FAM220A: variants seen among roughly 807,000 people sequenced by gnomAD.
FAM220A encodes protein FAM220A.
For missense variants in FAM220A, 392 were observed against 321.6 expected (o/e 1.22, Z -1.68); for synonymous variants, 141 against 130.7 (o/e 1.08, Z -0.54).
intron 1 of FAM220A, among the ~76,000 whole-genome samples, chr7:6,342,634 G>A (rs1293904617): frequency 6.6e-6 from 1 of 152,042 alleles, no homozygotes. Context: ...AAAAACCGAT[G>A]TCCACACAAA....
intron 1 of FAM220A, among the ~76,000 whole-genome samples, chr7:6,335,342 C>T (rs1328437358): frequency 1.3e-5 from 2 of 151,926 alleles, no homozygotes; most frequent in Non-Finnish European, 2.9e-5. Flanking sequence ...CCTGCCTCAA[C>T]CTCCTGAGTA....
intron 1 of FAM220A, among the ~76,000 whole-genome samples, chr7:6,333,168 C>CAAAAAAAAAAAAAA (rs111863837): frequency 1.6e-5 from 2 of 127,998 alleles, no homozygotes; most frequent in Non-Finnish European, 1.8e-5. Flanking sequence ...ATAAAAAAAT[C>CAAAAAAAAAAAAAA]AAAAAAAAAA....
Position 6,348,441 on chromosome 7 carries a change from CG to C in FAM220A, c.-82+131del, listed in dbSNP as rs139709331. Reference sequence around the variant, plus strand: ...TCAGTGGATCTCCCCAAAGTAGGGTCGCACGGGAAAATGCACGGTGCTTGAC... The same window carrying C: ...TCAGTGGATCTCCCCAAAGTAGGGTCCACGGGAAAATGCACGGTGCTTGAC... On this transcript the variant is annotated intron_variant, in intron 1 of 1. Coordinates refer to ENST00000313324, the MANE Select transcript of FAM220A (RefSeq NM_001037163.2). 3,623 of 397,214 alleles carry C rather than the reference CG, an allele frequency of 9.1e-3. 128 individuals carry two copies. The highest frequency in any genetic ancestry group is 0.066 in the African/African-American group (3,229 of 48,602). The allele number at this position is 397,214 out of a possible 1,614,324, so 24.6% of individuals were successfully genotyped here.
intron 1 of FAM220A, among the ~76,000 whole-genome samples, chr7:6,348,238 G>A (rs551048366): frequency 6.6e-6 from 1 of 150,960 alleles, no homozygotes; most frequent in African/African-American, 2.4e-5. Flanking sequence ...AATAAGGGGG[G>A]GGGTTGCAAA....
intron 1 of FAM220A, among the ~76,000 whole-genome samples, chr7:6,344,938 A>G (rs1781928638): frequency 6.6e-6 from 1 of 150,940 alleles, no homozygotes; most frequent in Admixed American, 6.6e-5. Context: ...ATGGGGTTTC[A>G]CCATGTTGGC....
At chr7:6,339,234 G>A (rs982253198) in intron 1 of FAM220A, among the ~76,000 whole-genome samples, 7 of 152,114 alleles carry the variant, frequency 4.6e-5, no homozygotes, top group African/African-American at 1.2e-4. Flanking sequence ...TTGGGAGGCC[G>A]AGGTGGGGAG....
intron 1 of FAM220A, among the ~76,000 whole-genome samples, chr7:6,333,530 A>G (rs1230614530): frequency 6.6e-6 from 1 of 152,050 alleles, no homozygotes; most frequent in African/African-American, 2.4e-5. Flanking sequence ...ACGAGGTCTC[A>G]CTCTGCCTCC....
At chr7:6,345,717 T>C (rs763340045) in intron 1 of FAM220A, among the ~76,000 whole-genome samples, 1 of 152,088 alleles carries the variant, frequency 6.6e-6, no homozygotes, top group East Asian at 1.9e-4. Flanking sequence ...TAGACACTTT[T>C]TGTTTTGCCC....
Position 6,330,262 on chromosome 7 carries a change from A to G in FAM220A, c.*113T>C. Reference sequence around the variant, plus strand: ...TTACTTTAAGTCTGCCAGGTCGTACAAAACTACAGCAGGAACCTAAGGGCT... The same window carrying G: ...TTACTTTAAGTCTGCCAGGTCGTACGAAACTACAGCAGGAACCTAAGGGCT... On this transcript the variant is annotated 3_prime_UTR_variant, in exon 2 of 2. Coordinates refer to ENST00000313324, the MANE Select transcript of FAM220A (RefSeq NM_001037163.2). 9.2e-7 allele frequency: 1 copy of G among 1,090,020 alleles called. No individual in the cohort carries two copies. The highest frequency in any genetic ancestry group is 1.3e-6 in the Non-Finnish European group (1 of 763,058). 67.5% of individuals were successfully genotyped at this position (1,090,020 alleles called of 1,614,324 possible). A position where few individuals can be genotyped will look rare whatever the true frequency, so the allele number is the denominator to read the frequency against.
chr7:6,330,292 A>G lies in FAM220A; in HGVS notation c.*83T>C. The G allele has an allele frequency of 7.6e-7, 1 of 1,316,348 alleles. No individual in the cohort carries two copies. Among genetic ancestry groups the G allele is most frequent in the East Asian group, 2.3e-5 (1 of 43,066 alleles). 81.5% of individuals were successfully genotyped at this position (1,316,348 alleles called of 1,614,324 possible). On this transcript the variant is annotated 3_prime_UTR_variant, in exon 2 of 2. Coordinates refer to ENST00000313324, the MANE Select transcript of FAM220A (RefSeq NM_001037163.2). ...TACAGCAGGAACCTAAGGGCTGCAC[A>G]GTTTGCATCCAGACTTAATGCGAAA...
At chr7:6,333,469 A>G (rs1434802337) in intron 1 of FAM220A, among the ~76,000 whole-genome samples, 1 of 152,180 alleles carries the variant, frequency 6.6e-6, no homozygotes, top group African/African-American at 2.4e-5. Flanking sequence ...GGCTGTGATC[A>G]TAAGGAGGGA....
intron 1 of FAM220A, among the ~76,000 whole-genome samples, chr7:6,336,603 G>A (rs1237697109): frequency 6.6e-6 from 1 of 151,444 alleles, no homozygotes; most frequent in Non-Finnish European, 1.5e-5. Context: ...AGAATCACTT[G>A]AGCCCAGGAA....
At chr7:6,348,458 G>A in intron 1 of FAM220A, 115 bp downstream of exon 1, 1 of 397,686 alleles carries the variant, frequency 2.5e-6, no homozygotes, top group Non-Finnish European at 4.4e-6. Context: ...GAAAATGCAC[G>A]GTGCTTGACA....
At chr7:6,338,285 GAGA>G (rs1781784715) in intron 1 of FAM220A, among the ~76,000 whole-genome samples, 1 of 152,120 alleles carries the variant, frequency 6.6e-6, no homozygotes, top group African/African-American at 2.4e-5. Flanking sequence ...CAGTATGCTA[GAGA>G]TATATTGTAC....
intron 1 of FAM220A, among the ~76,000 whole-genome samples, chr7:6,344,749 TA>T (rs1334516125): frequency 2.6e-5 from 4 of 151,956 alleles, no homozygotes; most frequent in African/African-American, 7.3e-5. Context: ...ATTTTATTAT[TA>T]TTTTTTTGGA....
intron 1 of FAM220A, among the ~76,000 whole-genome samples, chr7:6,340,665 C>G (rs1781833866): frequency 6.6e-6 from 1 of 151,820 alleles, no homozygotes; most frequent in South Asian, 2.1e-4. Flanking sequence ...TTTGGGAGGC[C>G]GAGGCGGGCG....
rs573263273 is a variant in FAM220A, at chr7:6,331,696, G to A, written c.-81-461C>T. The stretch of plus-strand genomic sequence containing the variant: ...CGCCCGGCCTAGTGGAGAACATTTC[G>A]TGGGCTTAGTTCCCCACCCTCAAAT... On this transcript the variant is annotated intron_variant, in intron 1 of 1. Coordinates refer to ENST00000313324, the MANE Select transcript of FAM220A (RefSeq NM_001037163.2). Among the ~76,000 whole-genome samples the A allele has an allele frequency of 1.4e-4, 21 of 150,292 alleles. 1 individual carries two copies. The highest frequency in any genetic ancestry group is 5.1e-4 in the African/African-American group (21 of 40,816).
intron 1 of FAM220A, among the ~76,000 whole-genome samples, chr7:6,339,973 C>T (rs1017140581): frequency 1.3e-5 from 2 of 152,112 alleles, no homozygotes; most frequent in Non-Finnish European, 2.9e-5. Flanking sequence ...CAACCTCCAC[C>T]TCCTGGGTTC....
chr7:6,333,122 A>T (rs1583236211), intron 1 of FAM220A, among the ~76,000 whole-genome samples: 1 of 151,172 alleles, frequency 6.6e-6, no homozygotes, highest in Non-Finnish European at 1.5e-5. Context: ...CCACCACTGC[A>T]CTCCAGCCTG....
Sources: gnomAD v4.1 joint callset for allele counts (sites outside exome capture counted in the v4.1 genomes callset) on GRCh38, gnomAD v4.1.1 for gene constraint, MANE v1.5 for transcripts, NCBI Gene and HGNC (gene_info 2026-07-23, HGNC 2026-07-21) for gene names.